NCOA1: variants seen among roughly 807,000 people sequenced by gnomAD.
The protein encoded by NCOA1 is Hin-2 protein.
NCOA1 carries 35 observed loss-of-function variants against 150.9 expected under a neutral mutation model. The observed-to-expected ratio is 0.23, with a 90% CI of 0.18 to 0.31. The LOEUF is 0.31. NCOA1 is among the 10% of genes least tolerant of loss of function. NCOA1 has a pLI of 1.00. For synonymous variants in NCOA1, 590 were observed against 630.0 expected, an observed-to-expected ratio of 0.94 and a Z score of 0.95; for missense variants, 1,491 against 1,749.3, an observed-to-expected ratio of 0.85 and a Z score of 2.63.
chr2:24,691,043 C>T (rs769829628), intron 8 of NCOA1, among the ~76,000 whole-genome samples: 1 of 152,100 alleles, frequency 6.6e-6, no homozygotes, highest in African/African-American at 2.4e-5. Context: ...GGTGCACATC[C>T]ACACAAAAGC....
At chr2:24,737,461 C>A (rs186977739) in intron 17 of NCOA1, among the ~76,000 whole-genome samples, 8 of 152,312 alleles carry the variant, frequency 5.3e-5, no homozygotes, top group Admixed American at 5.2e-4. Context: ...AGGCATCTTT[C>A]CTCCATCCCT....
intron 14 of NCOA1, among the ~76,000 whole-genome samples, chr2:24,713,605 T>C (rs1673869149): frequency 6.6e-6 from 1 of 152,130 alleles, no homozygotes; most frequent in Non-Finnish European, 1.5e-5. Flanking sequence ...GTCCTCCCAC[T>C]GTAAATAACG....
chr2:24,507,648 T>G (rs561679365), intron 1 of NCOA1, among the ~76,000 whole-genome samples: 2 of 152,198 alleles, frequency 1.3e-5, no homozygotes, highest in South Asian at 4.2e-4. Context: ...TCTATGGTAG[T>G]AATTTTTTCT....
At chr2:24,552,321 T>TTTTATATATATA (rs1262879918) in intron 1 of NCOA1, among the ~76,000 whole-genome samples, 6 of 30,584 alleles carry the variant, frequency 2.0e-4, no homozygotes, top group Non-Finnish European at 3.3e-4. Flanking sequence ...TTCATATATA[T>TTTTATATATATA]TATATATATA....
chr2:24,697,752 A>G lies in NCOA1; in HGVS notation c.903A>G (p.Gln301=), dbSNP rs542731347. Reference sequence around the variant, plus strand: ...GGAAGTGCATTTATGCTTTTTTCCAACCTCAGGGCAGAGAACCATCTTATG... The same window carrying G: ...GGAAGTGCATTTATGCTTTTTTCCAGCCTCAGGGCAGAGAACCATCTTATG... ...LVRKCIYAFF[Q]PQGREPSYAR... The change falls in exon 11 of 23, where the codon CAA becomes CAG. Residue 301 remains glutamine, a synonymous_variant. Coordinates refer to ENST00000348332, the MANE Select transcript of NCOA1 (RefSeq NM_003743.5). 1.9e-5 allele frequency: 31 copies of G among 1,613,824 alleles called. No homozygotes were observed. Among genetic ancestry groups the G allele is most frequent in the South Asian group, 1.5e-4 (14 of 91,066 alleles).
At chr2:24,612,152 T>C (rs1287336226) in intron 3 of NCOA1, among the ~76,000 whole-genome samples, 2 of 152,186 alleles carry the variant, frequency 1.3e-5, no homozygotes, top group South Asian at 2.1e-4. Flanking sequence ...GAAAAGATTT[T>C]ATTTCTTCTT....
chr2:24,643,030 T>G (rs570555538), intron 3 of NCOA1, among the ~76,000 whole-genome samples: 1 of 152,300 alleles, frequency 6.6e-6, no homozygotes, highest in East Asian at 1.9e-4. Context: ...AAGCAGTGAA[T>G]CTCAATTGTG....
chr2:24,555,240 G>C (rs1450470691), intron 1 of NCOA1, among the ~76,000 whole-genome samples: 2 of 152,058 alleles, frequency 1.3e-5, no homozygotes, highest in Non-Finnish European at 1.5e-5. Flanking sequence ...TTAGAAACAT[G>C]TTGTTTAATT....
intron 14 of NCOA1, among the ~76,000 whole-genome samples, chr2:24,721,802 C>T (rs192203123): frequency 3.3e-5 from 5 of 152,256 alleles, no homozygotes; most frequent in Non-Finnish European, 5.9e-5. Context: ...GGGAAAATTC[C>T]TCTCTTTGGA....
At chr2:24,523,288 A>G (rs184069035) in intron 1 of NCOA1, among the ~76,000 whole-genome samples, 1 of 152,128 alleles carries the variant, frequency 6.6e-6, no homozygotes, top group African/African-American at 2.4e-5. Context: ...CCTTCTCCCC[A>G]TACATCATGG....
At chr2:24,713,386 A>G (rs938129618) in intron 14 of NCOA1, among the ~76,000 whole-genome samples, 9 of 151,376 alleles carry the variant, frequency 5.9e-5, no homozygotes, top group Non-Finnish European at 1.0e-4. Context: ...ACACAAATGG[A>G]AAAAAAAAGT....
At chr2:24,539,716 A>G (rs1401728724) in intron 1 of NCOA1, among the ~76,000 whole-genome samples, 7 of 152,214 alleles carry the variant, frequency 4.6e-5, no homozygotes. Context: ...GTATAGACAC[A>G]AGAAGAGGAA....
At chr2:24,634,268 C>G (rs1404535283) in intron 3 of NCOA1, among the ~76,000 whole-genome samples, 1 of 152,048 alleles carries the variant, frequency 6.6e-6, no homozygotes, top group Non-Finnish European at 1.5e-5. Context: ...ATCAGTGATG[C>G]TTCATTTCTT....
chr2:24,580,482 G>C (rs948896259), intron 2 of NCOA1, among the ~76,000 whole-genome samples: 7 of 152,104 alleles, frequency 4.6e-5, no homozygotes, highest in Non-Finnish European at 8.8e-5. Context: ...GTTTAGACTG[G>C]ATAGTATCTA....
chr2:24,689,542 G>A (rs1963444), intron 8 of NCOA1, among the ~76,000 whole-genome samples: 78,684 of 151,712 alleles, frequency 0.52, 21,654 homozygotes, highest in Admixed American at 0.67. Flanking sequence ...GTAGGTGCCC[G>A]CCACCACACC....
At position 24,707,031 on chromosome 2, in the gene NCOA1, A is replaced by G. The variant is rs771649935; in HGVS notation, c.1561A>G (p.Met521Val). The G allele has an allele frequency of 3.7e-6, 6 of 1,614,214 alleles. No individual in the cohort carries two copies. In the East Asian group the frequency reaches 1.1e-4, roughly 30 times the overall value. Residue 521 changes from methionine to valine, a missense_variant, in exon 13 of 23, where the codon ATG becomes GTG. By Grantham distance (21) the Met-to-Val change is conservative. This residue lies in a region of NCOA1 where 703 missense variants were observed against 717.7 expected (regional missense o/e 0.98). Transcript: ENST00000348332. ...TTCGACATTAAGCTCTCCCGTTGGC[A>G]TGACAAGTAGTGCCTGTAATAATAA... ...NISTLSSPVG[M>V]TSSACNNNNR...
At chr2:24,648,566 C>T (rs1374796978) in intron 4 of NCOA1, among the ~76,000 whole-genome samples, 1 of 152,122 alleles carries the variant, frequency 6.6e-6, no homozygotes, top group Non-Finnish European at 1.5e-5. Flanking sequence ...CAACTGCACC[C>T]AGCCCTCATA....
chr2:24,494,792 C>G (rs970072770), intron 1 of NCOA1, among the ~76,000 whole-genome samples: 8 of 152,252 alleles, frequency 5.3e-5, no homozygotes, highest in Non-Finnish European at 1.0e-4. Flanking sequence ...AAATTTCTCC[C>G]TATCTTAGAT....
In NCOA1 at chr2:24,570,695, G is replaced by C. The variant is rs541744688; in HGVS notation, c.-260+6265G>C. ...ACAGTGCTGCCCATGAAGTATTCTT[G>C]CCAAAAAAGTTGAACCCGAATGTGA... On this transcript the variant is annotated intron_variant, in intron 2 of 22. Coordinates refer to ENST00000348332, the MANE Select transcript of NCOA1 (RefSeq NM_003743.5). Among the ~76,000 whole-genome samples the C allele has an allele frequency of 2.0e-5, 3 of 152,268 alleles. No homozygotes were observed. In the South Asian group the frequency reaches 6.2e-4, roughly 32 times the overall value.
Sources: gnomAD v4.1 joint callset for allele counts (sites outside exome capture counted in the v4.1 genomes callset) on GRCh38, gnomAD v4.1.1 for gene constraint, gnomAD v4.1.1 regional missense constraint, MANE v1.5 for transcripts, NCBI Gene and HGNC (gene_info 2026-07-23, HGNC 2026-07-21) for gene names.